Variants in BTRC observed in about 807,000 individuals in gnomAD.
BTRC encodes beta-transducin repeat containing E3 ubiquitin protein ligase.
In BTRC, 42 loss-of-function variants were observed where a neutral mutation model predicts 85.5. The observed-to-expected ratio is 0.49, with a 90% CI of 0.38 to 0.64. The LOEUF (loss-of-function observed/expected upper bound fraction) is 0.64, where lower values mean the gene tolerates loss of function less well. Among genes scored for constraint, BTRC ranks in the 30% least tolerant of loss-of-function variants. BTRC has a pLI of 0.00. For missense variants in BTRC, 594 were observed against 743.5 expected (o/e 0.80, Z 2.34); for synonymous variants, 255 against 263.3 (o/e 0.97, Z 0.30).
chr10:101,534,749 A>G lies in BTRC; in HGVS notation c.1186A>G (p.Met396Val). ...GCACTTGCGTTTCAATAATGGCATGATGGTGACCTGCTCCAAAGATCGTTC... is the reference window on the plus strand; with the variant it reads ...GCACTTGCGTTTCAATAATGGCATGGTGGTGACCTGCTCCAAAGATCGTTC... Reference protein sequence around the residue: ...VLHLRFNNGMMVTCSKDRSIA... With the variant: ...VLHLRFNNGMVVTCSKDRSIA... The change falls in exon 10 of 15, where the codon ATG becomes GTG. Residue 396 changes from methionine (M) to valine (V), a missense_variant. Met to Val is a conservative substitution (Grantham distance 21). Coordinates refer to ENST00000370187, the MANE Select transcript of BTRC (RefSeq NM_033637.4). The G allele has an allele frequency of 2.5e-6, 4 of 1,614,198 alleles. No individual in the cohort carries two copies. Among genetic ancestry groups the G allele is most frequent in the Non-Finnish European group, 3.4e-6 (4 of 1,180,030 alleles).
chr10:101,446,668 C>A (rs1944834252), intron 2 of BTRC, among the ~76,000 whole-genome samples: 1 of 152,082 alleles, frequency 6.6e-6, no homozygotes, highest in Non-Finnish European at 1.5e-5. Context: ...TTGCAATATT[C>A]AACACCATCA....
chr10:101,538,866 G>T (rs1396523242), intron 13 of BTRC, among the ~76,000 whole-genome samples: 1 of 151,928 alleles, frequency 6.6e-6, no homozygotes, highest in Non-Finnish European at 1.5e-5. Context: ...TGACCAACAC[G>T]GTGAAACCCC....
chr10:101,433,431 A>G (rs961811656), intron 2 of BTRC, among the ~76,000 whole-genome samples: 5 of 152,154 alleles, frequency 3.3e-5, no homozygotes, highest in African/African-American at 7.2e-5. Context: ...CAGGTAATCA[A>G]TGTTTAAGAG....
intron 1 of BTRC, among the ~76,000 whole-genome samples, chr10:101,402,744 C>T (rs1017535149): frequency 2.6e-5 from 4 of 152,176 alleles, no homozygotes; most frequent in African/African-American, 9.7e-5. Flanking sequence ...GGTTTGAGGA[C>T]AAGTCTGTTC....
chr10:101,374,791 A>T (rs34149303), intron 1 of BTRC, among the ~76,000 whole-genome samples: 44,866 of 151,700 alleles, frequency 0.3, 7,622 homozygotes, highest in Middle Eastern at 0.46. Flanking sequence ...ATAAATAAAA[A>T]AAAAAAAAAG....
intron 1 of BTRC, among the ~76,000 whole-genome samples, chr10:101,422,213 G>C (rs1221832126): frequency 6.6e-6 from 1 of 152,166 alleles, no homozygotes; most frequent in African/African-American, 2.4e-5. Flanking sequence ...GCATTTCTCT[G>C]ATGGCCAGTG....
At chr10:101,534,081 A>T (rs183101105) in intron 9 of BTRC, among the ~76,000 whole-genome samples, 1 of 152,214 alleles carries the variant, frequency 6.6e-6, no homozygotes, top group African/African-American at 2.4e-5. Context: ...AAAATTCTCA[A>T]GCTATCCAAG....
Position 101,477,674 on chromosome 10 carries a change from A to G in BTRC, c.235-1694A>G, listed in dbSNP as rs555264824. Among the ~76,000 whole-genome samples, 456 of 151,862 alleles carry G rather than the reference A, an allele frequency of 3.0e-3. 1 individual carries two copies. Among genetic ancestry groups the G allele is most frequent in the Non-Finnish European group, 4.9e-3 (335 of 67,922 alleles). ...TTTCTTTCTTTTTTATTTGGAGACA[A>G]TGTCTTGCTCTGTTGCCCAGGCTGG... On this transcript the variant is annotated intron_variant, in intron 3 of 14. Transcript: ENST00000370187.
intron 3 of BTRC, among the ~76,000 whole-genome samples, chr10:101,467,002 A>G (rs534367148): frequency 5.3e-5 from 8 of 152,328 alleles, no homozygotes; most frequent in African/African-American, 1.9e-4. Flanking sequence ...AAAGCACATC[A>G]CTGACACAGA....
At chr10:101,520,942 G>A (rs1452260130) in intron 4 of BTRC, among the ~76,000 whole-genome samples, 1 of 151,952 alleles carries the variant, frequency 6.6e-6, no homozygotes, top group African/African-American at 2.4e-5. Flanking sequence ...CAGCCTGGGC[G>A]ACAGAGCAAG....
chr10:101,416,907 G>C (rs543546618), intron 1 of BTRC, among the ~76,000 whole-genome samples: 3 of 152,014 alleles, frequency 2.0e-5, no homozygotes, highest in Admixed American at 2.0e-4. Flanking sequence ...ACTACATTAT[G>C]ACCAAAAGCA....
chr10:101,516,518 C>T (rs934059292), intron 4 of BTRC, among the ~76,000 whole-genome samples: 1 of 152,062 alleles, frequency 6.6e-6, no homozygotes, highest in African/African-American at 2.4e-5. Context: ...AAAAAATACT[C>T]GTTTTGAGGG....
intron 2 of BTRC, among the ~76,000 whole-genome samples, chr10:101,434,517 T>G (rs1944478205): frequency 6.6e-6 from 1 of 152,102 alleles, no homozygotes; most frequent in Non-Finnish European, 1.5e-5. Flanking sequence ...CATTGTGACT[T>G]TGGGTTAGGC....
At chr10:101,408,770 G>A (rs1299989957) in intron 1 of BTRC, among the ~76,000 whole-genome samples, 1 of 152,056 alleles carries the variant, frequency 6.6e-6, no homozygotes, top group Non-Finnish European at 1.5e-5. Context: ...GAGGTTGGCC[G>A]GGCACAGTGG....
chr10:101,387,528 C>CTTTTTGTTTTTTTTTTTT (rs1943111169), intron 1 of BTRC, among the ~76,000 whole-genome samples: 1 of 45,122 alleles, frequency 2.2e-5, no homozygotes, highest in East Asian at 1.3e-3. Flanking sequence ...CTTCATGGGA[C>CTTTTTGTTTTTTTTTTTT]TTTTTTTTTT....
In BTRC at chr10:101,358,022, A is replaced by G. The variant is rs534283154; in HGVS notation, c.48+3794A>G. Among the ~76,000 whole-genome samples the G allele has an allele frequency of 2.6e-5, 4 of 152,294 alleles. No homozygotes were observed. The East Asian group carries it at 5.8e-4, about 22-fold the overall frequency. On this transcript the variant is annotated intron_variant, in intron 1 of 14. Transcript: ENST00000370187. The stretch of plus-strand genomic sequence containing the variant: ...AAGAGAAATGAAAATGATTGAGGGA[A>G]TATAGACCCCAAAACACACAAACAC...
intron 3 of BTRC, among the ~76,000 whole-genome samples, chr10:101,465,017 A>G (rs1945335596): frequency 6.6e-6 from 1 of 152,178 alleles, no homozygotes; most frequent in Non-Finnish European, 1.5e-5. Flanking sequence ...TTTTTAAGGT[A>G]GGACATAGTA....
intron 1 of BTRC, among the ~76,000 whole-genome samples, chr10:101,391,890 C>T (rs190605952): frequency 6.6e-6 from 1 of 152,106 alleles, no homozygotes; most frequent in East Asian, 1.9e-4. Context: ...ATGGTTAGTT[C>T]AATATTATTT....
intron 2 of BTRC, among the ~76,000 whole-genome samples, chr10:101,432,472 C>A (rs1944427982): frequency 6.6e-6 from 1 of 152,110 alleles, no homozygotes; most frequent in Non-Finnish European, 1.5e-5. Context: ...AAGGTTCTGC[C>A]ATTGAAGAAT....
Sources: allele counts gnomAD v4.1 joint callset (sites outside exome capture counted in the v4.1 genomes callset), GRCh38; gene constraint gnomAD v4.1.1; transcripts MANE v1.5; gene names NCBI Gene and HGNC (gene_info 2026-07-23, HGNC 2026-07-21).